TESK2: variants seen among roughly 807,000 people sequenced by gnomAD.
TESK2 encodes testis associated actin remodelling kinase 2.
TESK2 carries 39 observed loss-of-function variants against 57.1 expected under a neutral mutation model. The observed-to-expected ratio is 0.68, with a 90% CI of 0.53 to 0.89. TESK2 has a LOEUF of 0.89. Ranked by LOEUF, TESK2 falls within the 40% of genes least tolerant of loss-of-function variation. TESK2 has a pLI of 0.00. For synonymous variants in TESK2, 249 were observed against 267.9 expected (o/e 0.93, Z 0.69); for missense variants, 646 against 732.1 (o/e 0.88, Z 1.36).
At position 45,384,363 on chromosome 1, in the gene TESK2, G is replaced by A. The variant is rs78282861; in HGVS notation, c.393+1549C>T. Among the ~76,000 whole-genome samples the A allele has an allele frequency of 7.5e-5, 11 of 146,926 alleles. 1 individual carries two copies. In the South Asian group the frequency reaches 2.2e-3, roughly 29 times the overall value. ...TGTATGTATGTATGTATGTACGTAC[G>A]TATCTATCTATCTATCTATCTATCT... On this transcript the variant is annotated intron_variant, in intron 4 of 10. Transcript: ENST00000372086.
intron 3 of TESK2, among the ~76,000 whole-genome samples, chr1:45,390,921 CTTTTT>C (rs776953314): frequency 7.7e-6 from 1 of 129,066 alleles, no homozygotes; most frequent in African/African-American, 2.9e-5. Context: ...AGCTACATTT[CTTTTT>C]TTTTTTTTTT....
At chr1:45,472,706 T>C (rs1422814654) in intron 1 of TESK2, among the ~76,000 whole-genome samples, 1 of 152,004 alleles carries the variant, frequency 6.6e-6, no homozygotes, top group African/African-American at 2.4e-5. Flanking sequence ...ATATGATGTG[T>C]AAGGAGACGC....
chr1:45,422,964 T>G (rs1650540308), intron 2 of TESK2, among the ~76,000 whole-genome samples: 1 of 151,912 alleles, frequency 6.6e-6, no homozygotes, highest in Admixed American at 6.6e-5. Context: ...GAGACGGGGT[T>G]TCACCATGTT....
chr1:45,435,916 C>T (rs996310711), intron 2 of TESK2, among the ~76,000 whole-genome samples: 15 of 151,524 alleles, frequency 9.9e-5, no homozygotes, highest in East Asian at 3.9e-4. Flanking sequence ...CCCCAGTGTA[C>T]GTTCTTGGTA....
At chr1:45,430,423 C>T (rs919072863) in intron 2 of TESK2, among the ~76,000 whole-genome samples, 2 of 152,122 alleles carry the variant, frequency 1.3e-5, no homozygotes, top group Non-Finnish European at 2.9e-5. Context: ...CCCAGGAGAT[C>T]AAGGCTACAG....
At position 45,422,202 on chromosome 1, in the gene TESK2, A is replaced by T. The variant is rs528045017; in HGVS notation, c.223-356T>A. Among the ~76,000 whole-genome samples, 19 of 152,246 alleles carry T rather than the reference A, an allele frequency of 1.2e-4. No individual in the cohort carries two copies. The East Asian group carries it at 3.7e-3, about 29-fold the overall frequency. ...CAGCAAATTAACACAGGAACAGAAA[A>T]CCAACACTGCATGTTTTGAACATTG... On this transcript the variant is annotated intron_variant, in intron 2 of 10. Coordinates refer to ENST00000372086, the MANE Select transcript of TESK2 (RefSeq NM_007170.3).
intron 2 of TESK2, among the ~76,000 whole-genome samples, chr1:45,452,733 AG>A (rs1651918648): frequency 6.6e-6 from 1 of 151,486 alleles, no homozygotes; most frequent in East Asian, 2.0e-4. Flanking sequence ...TGGGCAACAT[AG>A]CAAGACCCTG....
At chr1:45,418,226 ACTT>A (rs1446947503) in intron 3 of TESK2, among the ~76,000 whole-genome samples, 7 of 152,240 alleles carry the variant, frequency 4.6e-5, no homozygotes, top group Admixed American at 1.3e-4. Context: ...TTAAAATATT[ACTT>A]CTTAAGCTAG....
chr1:45,457,370 A>T (rs1236822840), intron 2 of TESK2, among the ~76,000 whole-genome samples, 194 bp downstream of exon 2: 1 of 152,158 alleles, frequency 6.6e-6, no homozygotes. Flanking sequence ...TTTAACCAGC[A>T]TATTATTTTT....
chr1:45,433,469 C>T (rs2149291076), intron 2 of TESK2, among the ~76,000 whole-genome samples: 1 of 152,258 alleles, frequency 6.6e-6, no homozygotes, highest in South Asian at 2.1e-4. Flanking sequence ...TGGTAACTAT[C>T]ATTCTACTCT....
chr1:45,359,558 T>C (rs1048068888), intron 4 of TESK2, among the ~76,000 whole-genome samples: 2 of 143,694 alleles, frequency 1.4e-5, no homozygotes, highest in Non-Finnish European at 3.0e-5. Flanking sequence ...AGACCCTGTC[T>C]TGAAAAAAAA....
At position 45,344,780 on chromosome 1, in the gene TESK2, G is replaced by T. The variant is rs2149261573; in HGVS notation, c.*60C>A. ...GGGAAGAATCAAGGCTGTGCACCTA[G>T]GGGGCCATATGGTTTCAGCTGAAGG... On this transcript the variant is annotated 3_prime_UTR_variant, in exon 11 of 11. Coordinates refer to ENST00000372086, the MANE Select transcript of TESK2 (RefSeq NM_007170.3). 1 of 1,463,282 alleles carries T rather than the reference G, an allele frequency of 6.8e-7. No homozygotes were observed. The highest frequency in any genetic ancestry group is 2.3e-5 in the East Asian group (1 of 44,042). 90.6% of individuals were successfully genotyped at this position (1,463,282 alleles called of 1,614,324 possible). A position where few individuals can be genotyped will look rare whatever the true frequency, so the allele number is the denominator to read the frequency against.
chr1:45,370,577 C>T (rs531900692), intron 4 of TESK2, among the ~76,000 whole-genome samples: 1 of 152,262 alleles, frequency 6.6e-6, no homozygotes, highest in African/African-American at 2.4e-5. Flanking sequence ...TACCAAACTA[C>T]TCTTGGAAGA....
At chr1:45,467,253 CATTA>C (rs1233755137) in intron 1 of TESK2, among the ~76,000 whole-genome samples, 1 of 152,018 alleles carries the variant, frequency 6.6e-6, no homozygotes, top group African/African-American at 2.4e-5. Context: ...TATCATTTTT[CATTA>C]ATTAATATTT....
chr1:45,443,020 A>G (rs945329408), intron 2 of TESK2, among the ~76,000 whole-genome samples: 1 of 152,204 alleles, frequency 6.6e-6, no homozygotes, highest in Non-Finnish European at 1.5e-5. Flanking sequence ...TCCTGAGCGC[A>G]GGTGATCTGC....
chr1:45,358,697 C>T (rs900088038), intron 4 of TESK2, among the ~76,000 whole-genome samples: 1 of 151,824 alleles, frequency 6.6e-6, no homozygotes, highest in African/African-American at 2.4e-5. Context: ...GGTAGTACAC[C>T]TCACACATGC....
intron 4 of TESK2, among the ~76,000 whole-genome samples, chr1:45,372,722 ACT>A (rs1648244209): frequency 1.3e-5 from 2 of 148,550 alleles, no homozygotes; most frequent in Non-Finnish European, 3.0e-5. Flanking sequence ...ACAGAGCAAG[ACT>A]CTGCTTCTTT....
intron 5 of TESK2, among the ~76,000 whole-genome samples, chr1:45,352,915 T>C (rs1036333903): frequency 6.6e-5 from 10 of 152,116 alleles, no homozygotes; most frequent in South Asian, 6.2e-4. Flanking sequence ...CTTTTTTTTT[T>C]CCAAGACGGA....
chr1:45,351,061 A>G (rs1647223773), intron 5 of TESK2, among the ~76,000 whole-genome samples: 1 of 152,256 alleles, frequency 6.6e-6, no homozygotes, highest in South Asian at 2.1e-4. Context: ...ATAACAACAG[A>G]AAAGAACTAA....
Sources: allele counts gnomAD v4.1 joint callset (sites outside exome capture counted in the v4.1 genomes callset), GRCh38; gene constraint gnomAD v4.1.1; transcripts MANE v1.5; gene names NCBI Gene and HGNC (gene_info 2026-07-23, HGNC 2026-07-21).